The following GPHN variants were observed in gnomAD, a reference collection of about 807,000 sequenced individuals.
GPHN encodes the protein gephyrin.
Under a neutral mutation model 95.5 loss-of-function variants are expected in GPHN, and 17 were observed. The observed-to-expected ratio is 0.18, with a 90% CI of 0.12 to 0.27. The LOEUF is 0.27. GPHN is among the 10% of genes least tolerant of loss of function. GPHN has a pLI of 1.00. For missense variants in GPHN, 660 were observed against 978.1 expected (o/e 0.67, Z 4.34); for synonymous variants, 320 against 322.5 (o/e 0.99, Z 0.08).
intron 17 of GPHN, among the ~76,000 whole-genome samples, chr14:67,136,116 G>GGAA (rs75878393): frequency 6.6e-6 from 1 of 151,644 alleles, no homozygotes; most frequent in African/African-American, 2.4e-5. Flanking sequence ...ATTTCTCTAG[G>GGAA]TATCCTAAAT....
rs562720317 is a variant in GPHN at position 66,759,741 on chromosome 14, T to C, written c.144-16723T>C. Among the ~76,000 whole-genome samples the C allele has an allele frequency of 3.3e-5, 5 of 152,330 alleles. No individual in the cohort carries two copies. The East Asian group carries it at 7.7e-4, about 23-fold the overall frequency. ...TTTACATTCAAGGTTAATATTGATA[T>C]ATGAGGCTGCTTTGATCATATGGTG... On this transcript the variant is annotated intron_variant, in intron 2 of 22. Transcript: ENST00000478722.
chr14:67,278,941 A>G, the GPHN span: 1 of 384,296 alleles, frequency 2.6e-6, no homozygotes, highest in Non-Finnish European at 4.6e-6. Context: ...TTGTATGGTG[A>G]TTAGAAGTGG....
chr14:67,240,291 C>T, the GPHN span, among the ~76,000 whole-genome samples: 1 of 152,156 alleles, frequency 6.6e-6, no homozygotes, highest in African/African-American at 2.4e-5. Flanking sequence ...CACCACAACC[C>T]ATAGGCTGTC....
intron 4 of GPHN, among the ~76,000 whole-genome samples, chr14:66,878,579 A>G (rs117124948): frequency 6.6e-6 from 1 of 152,344 alleles, no homozygotes; most frequent in Non-Finnish European, 1.5e-5. Flanking sequence ...TCTCAAAACG[A>G]AGACAGTTAT....
the GPHN span, among the ~76,000 whole-genome samples, chr14:67,560,618 T>G: frequency 6.6e-6 from 1 of 152,198 alleles, no homozygotes; most frequent in Non-Finnish European, 1.5e-5. Flanking sequence ...TACCTTTATT[T>G]AGGAAACTCA....
At chr14:66,706,936 AAT>A (rs2069130774) in intron 2 of GPHN, among the ~76,000 whole-genome samples, 2 of 152,190 alleles carry the variant, frequency 1.3e-5, no homozygotes, top group South Asian at 4.1e-4. Flanking sequence ...TAATATCCAG[AAT>A]TCATAAGGAA....
intron 2 of GPHN, among the ~76,000 whole-genome samples, chr14:66,693,153 A>T (rs964063724): frequency 9.2e-5 from 14 of 152,226 alleles, no homozygotes; most frequent in Admixed American, 2.0e-4. Context: ...ATAAATCTCT[A>T]TAATCTCTGG....
the GPHN span, among the ~76,000 whole-genome samples, chr14:67,445,759 A>T: frequency 6.7e-6 from 1 of 150,192 alleles, no homozygotes; most frequent in Non-Finnish European, 1.5e-5. Context: ...TAATTTTTGT[A>T]TTTTTTTTGT....
chr14:67,611,932 G>A, the GPHN span, among the ~76,000 whole-genome samples: 1 of 152,054 alleles, frequency 6.6e-6, no homozygotes, highest in African/African-American at 2.4e-5. Flanking sequence ...GCAACTAAAC[G>A]GTCCCATCCA....
the GPHN span, among the ~76,000 whole-genome samples, chr14:67,399,655 G>C: frequency 1.4e-5 from 2 of 147,516 alleles, no homozygotes; most frequent in Non-Finnish European, 2.9e-5. Context: ...GTTCTCAGGT[G>C]GCAGGAATAA....
the GPHN span, among the ~76,000 whole-genome samples, chr14:67,212,316 G>A: frequency 1.4e-4 from 22 of 151,962 alleles, no homozygotes; most frequent in Non-Finnish European, 2.8e-4. Flanking sequence ...GACAAAAAAT[G>A]TATCTTAGGG....
At chr14:67,519,523 G>A in the GPHN span, among the ~76,000 whole-genome samples, 2 of 152,130 alleles carry the variant, frequency 1.3e-5, no homozygotes, top group Admixed American at 1.3e-4. Flanking sequence ...ACAGGGAAGG[G>A]TCCATCCGGA....
chr14:67,530,857 A>C, the GPHN span, among the ~76,000 whole-genome samples: 1 of 152,298 alleles, frequency 6.6e-6, no homozygotes, highest in African/African-American at 2.4e-5. Context: ...GGCCTTAACT[A>C]TTTTTAATAT....
intron 9 of GPHN, among the ~76,000 whole-genome samples, chr14:67,004,460 A>G (rs1409006955): frequency 1.3e-5 from 2 of 151,802 alleles, no homozygotes; most frequent in Non-Finnish European, 3.0e-5. Flanking sequence ...GGCCTTAATG[A>G]TTTTACAAAT....
chr14:67,208,531 A>G, the GPHN span: 1 of 1,400,156 alleles, frequency 7.1e-7, no homozygotes, highest in Non-Finnish European at 9.6e-7. Flanking sequence ...CTCTTAACTC[A>G]GGCATCTGCC....
chr14:66,889,498 A>G lies in GPHN; in HGVS notation c.389+9465A>G, dbSNP rs113685149. On this transcript the variant is annotated intron_variant, in intron 5 of 22. Coordinates refer to ENST00000478722, the MANE Select transcript of GPHN (RefSeq NM_020806.5). ...GAAAATTTACAAATATGTGAAAATT[A>G]AACACACTCAAATAGCCAATAAGTT... 3.1e-3 allele frequency among the ~76,000 whole-genome samples: 468 copies of G among 152,312 alleles called. 11 individuals are homozygous for G. The highest frequency in any genetic ancestry group is 0.011 in the African/African-American group (443 of 41,582).
intron 2 of GPHN, among the ~76,000 whole-genome samples, chr14:66,721,951 CAAAAA>C (rs35174343): frequency 2.3e-3 from 141 of 60,104 alleles, no homozygotes; most frequent in Non-Finnish European, 5.3e-3. Flanking sequence ...AACTCTGTCT[CAAAAA>C]AAAAAAAAAA....
At chr14:67,018,830 A>AT (rs1178565195) in intron 9 of GPHN, among the ~76,000 whole-genome samples, 7 of 151,976 alleles carry the variant, frequency 4.6e-5, no homozygotes, top group Admixed American at 2.0e-4. Context: ...CACAATCTTT[A>AT]TTTTTTTTCT....
chr14:67,559,516 G>T, the GPHN span: 1 of 794,026 alleles, frequency 1.3e-6, no homozygotes, highest in Non-Finnish European at 2.2e-6. Context: ...TCAGTGGCAC[G>T]CACACTTGGC....
Sources: allele counts gnomAD v4.1 joint callset (sites outside exome capture counted in the v4.1 genomes callset), GRCh38; gene constraint gnomAD v4.1.1; transcripts MANE v1.5; gene names NCBI Gene and HGNC (gene_info 2026-07-23, HGNC 2026-07-21).